IGSF6: variants seen among roughly 807,000 people sequenced by gnomAD.
IGSF6 encodes immunoglobulin superfamily member 6.
In IGSF6, 23 loss-of-function variants were observed where a neutral mutation model predicts 24.7. That is an observed-to-expected ratio of 0.93 (90% confidence interval 0.67 to 1.32). The LOEUF is 1.32. Ranked by LOEUF, IGSF6 falls within the 40% of genes most tolerant of loss-of-function variation. The pLI, the probability that IGSF6 is intolerant of heterozygous loss-of-function variation, is 0.00. For synonymous variants in IGSF6, 110 were observed against 113.7 expected (o/e 0.97, Z 0.21); for missense variants, 295 against 293.6 (o/e 1.00, Z -0.04).
At chr16:21,645,055 G>A (rs775631458) in intron 2 of IGSF6, among the ~76,000 whole-genome samples, 67 of 152,168 alleles carry the variant, frequency 4.4e-4, no homozygotes, top group Admixed American at 1.7e-3. Context: ...TCTGGGTAGG[G>A]ATTAAGTAAC....
chr16:21,645,608 G>T (rs1022722967), intron 2 of IGSF6, among the ~76,000 whole-genome samples: 1 of 152,212 alleles, frequency 6.6e-6, no homozygotes, highest in African/African-American at 2.4e-5. Flanking sequence ...CTGTAGAAGA[G>T]ACAGGAAGTT....
Position 21,641,373 on chromosome 16 carries a change from A to G in IGSF6, c.*161T>C, listed in dbSNP as rs978673888. 3 of 452,184 alleles carry G rather than the reference A, an allele frequency of 6.6e-6. No individual in the cohort carries two copies. The highest frequency in any genetic ancestry group is 4.6e-5 in the South Asian group (1 of 21,958). The allele number at this position is 452,184 out of a possible 1,614,324, so 28.0% of individuals were successfully genotyped here. ...GGGTTTTAGTATTTTGGTAATGACT[A>G]TTAGTTATAGTTTCCTTACATTCTG... is the stretch of plus-strand genomic sequence containing the variant. On this transcript the variant is annotated 3_prime_UTR_variant, in exon 6 of 6. Transcript: ENST00000268389.
At chr16:21,647,938 C>T (rs1370118483) in intron 1 of IGSF6, among the ~76,000 whole-genome samples, 1 of 152,206 alleles carries the variant, frequency 6.6e-6, no homozygotes, top group Non-Finnish European at 1.5e-5. Context: ...ACGAACGTTG[C>T]TGCCGCTGAT....
intron 2 of IGSF6, among the ~76,000 whole-genome samples, chr16:21,645,470 AG>A (rs906020956): frequency 6.6e-6 from 1 of 152,216 alleles, no homozygotes. Context: ...AAAAAAAGAA[AG>A]AAAAATCCCA....
intron 1 of IGSF6, among the ~76,000 whole-genome samples, chr16:21,650,916 CTTA>C (rs1966556297): frequency 6.6e-6 from 1 of 152,112 alleles, no homozygotes; most frequent in East Asian, 1.9e-4. Flanking sequence ...AAAGATTATT[CTTA>C]TTATTTTAAA....
intron 5 of IGSF6, 32 bp from the exon 6 acceptor site, chr16:21,641,625 T>G (rs761248683): frequency 7.1e-7 from 1 of 1,407,326 alleles, no homozygotes; most frequent in South Asian, 1.2e-5. Flanking sequence ...AAGCCATGTT[T>G]AAGGTTATGT....
At chr16:21,650,305 G>A (rs1337144823) in intron 1 of IGSF6, among the ~76,000 whole-genome samples, 2 of 152,108 alleles carry the variant, frequency 1.3e-5, no homozygotes, top group Non-Finnish European at 2.9e-5. Flanking sequence ...TCAGGCGTTC[G>A]AGACTAGCCT....
At position 21,647,143 on chromosome 16, in the gene IGSF6, C is replaced by A; in HGVS notation, c.417G>T (p.Leu139=). 1 of 1,614,176 alleles carries A rather than the reference C, an allele frequency of 6.2e-7. No homozygotes were observed. Among genetic ancestry groups the A allele is most frequent in the African/African-American group, 1.3e-5 (1 of 75,048 alleles). Residue 139 remains leucine (L), a synonymous_variant, in exon 2 of 6, where the codon CTG becomes CTT. Transcript: ENST00000268389. The part of the protein sequence containing the change: ...RAKQTGGGTT[L]VVREIKLLSK... ...GCCTCGCTGACTGACCTCTTACCAC[C>A]AGTGTGGTCCCTCCTCCTGTCTGTT...
chr16:21,651,759 ATTTTATCTGCATCTTTC>A (rs1034415965), intron 1 of IGSF6: 39 of 152,240 alleles, frequency 2.6e-4, no homozygotes, highest in Admixed American at 7.2e-4. Flanking sequence ...AATCCCAGCC[ATTTTATCTGCATCTTTC>A]AGAATATATC....
At chr16:21,642,826 G>A (rs765432840) in intron 5 of IGSF6, among the ~76,000 whole-genome samples, 9 of 152,108 alleles carry the variant, frequency 5.9e-5, no homozygotes, top group Admixed American at 3.3e-4. Context: ...AACATTGCTC[G>A]TGTCTAATGT....
chr16:21,645,319 C>A (rs901471406), intron 2 of IGSF6, among the ~76,000 whole-genome samples: 6 of 151,982 alleles, frequency 3.9e-5, no homozygotes, highest in Non-Finnish European at 7.4e-5. Context: ...TGGGCGTGGT[C>A]GCACATGCCT....
Position 21,647,424 on chromosome 16 carries a change from C to T in IGSF6, c.136G>A (p.Ala46Thr), listed in dbSNP as rs748247374. Reference protein sequence around the residue: ...WYLEVDYTHEAVTIKCTFSAT... With the variant: ...WYLEVDYTHETVTIKCTFSAT... ...GAGAAGGTACACTTTATGGTGACGG[C>T]CTCATGAGTGTAGTCCACTTCTAGG... Residue 46 changes from alanine to threonine, a missense_variant, in exon 2 of 6, where the codon GCC becomes ACC. Ala to Thr is a moderately conservative substitution (Grantham distance 58). Coordinates refer to ENST00000268389, the MANE Select transcript of IGSF6 (RefSeq NM_005849.4). 1 of 1,614,000 alleles carries T rather than the reference C, an allele frequency of 6.2e-7. No homozygotes were observed.
chr16:21,652,129 GT>G (rs369519815), intron 1 of IGSF6: 8 of 150,924 alleles, frequency 5.3e-5, no homozygotes, highest in Non-Finnish European at 7.3e-5. Context: ...AGTCATGGCA[GT>G]TTTTTTTTTC....
chr16:21,645,319 C>T (rs901471406), intron 2 of IGSF6, among the ~76,000 whole-genome samples: 5 of 152,100 alleles, frequency 3.3e-5, no homozygotes, highest in South Asian at 2.1e-4. Flanking sequence ...TGGGCGTGGT[C>T]GCACATGCCT....
rs1483002120 is a variant in IGSF6, at chr16:21,641,252, C to T, written c.*282G>A. ...GATCTTCAGGATGGCAGTCATCACACATCTCATGTTGAATGAAACAGACTC... is the reference window on the plus strand; with the variant it reads ...GATCTTCAGGATGGCAGTCATCACATATCTCATGTTGAATGAAACAGACTC... On this transcript the variant is annotated 3_prime_UTR_variant, in exon 6 of 6. Transcript: ENST00000268389. 4.4e-6 allele frequency: 1 copy of T among 227,808 alleles called. No homozygotes were observed. Among genetic ancestry groups the T allele is most frequent in the African/African-American group, 2.3e-5 (1 of 43,978 alleles). The allele number at this position is 227,808 out of a possible 1,614,324, so 14.1% of individuals were successfully genotyped here. A position where few individuals can be genotyped will look rare whatever the true frequency, so the allele number is the denominator to read the frequency against.
chr16:21,645,253 C>T (rs1010161388), intron 2 of IGSF6, among the ~76,000 whole-genome samples: 2 of 152,070 alleles, frequency 1.3e-5, no homozygotes, highest in African/African-American at 4.8e-5. Context: ...AGGAGTTTGA[C>T]ACCAGCCTGG....
chr16:21,651,801 ATTC>A (rs1238934207), intron 1 of IGSF6: 2 of 152,198 alleles, frequency 1.3e-5, no homozygotes, highest in South Asian at 4.1e-4. Flanking sequence ...AAAGACAGGA[ATTC>A]TTCTTTAAAA....
chr16:21,648,526 A>G (rs1015409584), intron 1 of IGSF6, among the ~76,000 whole-genome samples: 2 of 152,220 alleles, frequency 1.3e-5, no homozygotes, highest in South Asian at 4.1e-4. Flanking sequence ...AGGTGTTCAC[A>G]GAGCTGGGAT....
intron 1 of IGSF6, among the ~76,000 whole-genome samples, chr16:21,650,381 G>A (rs548953390): frequency 2.0e-5 from 3 of 151,976 alleles, no homozygotes; most frequent in South Asian, 2.1e-4. Flanking sequence ...GGTGGTGGAC[G>A]CCTGTAATCC....
Sources: gnomAD v4.1 joint callset for allele counts (sites outside exome capture counted in the v4.1 genomes callset) on GRCh38, gnomAD v4.1.1 for gene constraint, MANE v1.5 for transcripts, NCBI Gene and HGNC (gene_info 2026-07-23, HGNC 2026-07-21) for gene names.